DPP6: variants seen among roughly 807,000 people sequenced by gnomAD.
DPP6 encodes the protein dipeptidyl peptidase like 6, also known as A-type potassium channel modulatory protein DPP6.
DPP6 carries 69 observed loss-of-function variants against 122.6 expected under a neutral mutation model. The observed-to-expected ratio is 0.56, with a 90% confidence interval of 0.46 to 0.69. DPP6 has a LOEUF of 0.69. DPP6 is among the 30% of genes least tolerant of loss of function. The pLI is 0.00. For synonymous variants in DPP6, 418 were observed against 433.1 expected, an observed-to-expected ratio of 0.97 and a Z score of 0.43; for missense variants, 928 against 1,116.9, an observed-to-expected ratio of 0.83 and a Z score of 2.41.
At chr7:154,152,417 A>C (rs1270403273) in intron 1 of DPP6, among the ~76,000 whole-genome samples, 1 of 152,174 alleles carries the variant, frequency 6.6e-6, no homozygotes, top group African/African-American at 2.4e-5. Context: ...GACTCTTCCC[A>C]AGACTGTGAG....
chr7:154,351,631 C>T (rs868083505), intron 1 of DPP6, among the ~76,000 whole-genome samples: 1 of 152,180 alleles, frequency 6.6e-6, no homozygotes, highest in South Asian at 2.1e-4. Context: ...GCAGGAGAGC[C>T]TGGAATGTGC....
intron 1 of DPP6, among the ~76,000 whole-genome samples, chr7:154,066,302 T>C (rs1802720129): frequency 6.6e-6 from 1 of 152,164 alleles, no homozygotes; most frequent in African/African-American, 2.4e-5. Context: ...TCAGGTGATC[T>C]GCCTGCCTTG....
At chr7:154,648,204 G>A (rs902552449) in intron 6 of DPP6, among the ~76,000 whole-genome samples, 3 of 151,516 alleles carry the variant, frequency 2.0e-5, no homozygotes, top group Admixed American at 1.3e-4. Flanking sequence ...CGAGGCAGAG[G>A]TTACAGTGAG....
intron 8 of DPP6, among the ~76,000 whole-genome samples, chr7:154,748,224 T>C (rs560052497): frequency 6.6e-6 from 1 of 152,008 alleles, no homozygotes; most frequent in African/African-American, 2.4e-5. Flanking sequence ...GTGTTGGGAG[T>C]CGGCTTGCTC....
chr7:154,319,006 G>A (rs1003463279), intron 1 of DPP6, among the ~76,000 whole-genome samples: 1 of 152,186 alleles, frequency 6.6e-6, no homozygotes, highest in African/African-American at 2.4e-5. Context: ...TGTTGGTTTG[G>A]GGCAGTGTGA....
chr7:154,238,581 C>G (rs1801371154), intron 1 of DPP6, among the ~76,000 whole-genome samples: 1 of 152,136 alleles, frequency 6.6e-6, no homozygotes, highest in African/African-American at 2.4e-5. Flanking sequence ...CCAAGATAGC[C>G]ACTGCCACGG....
chr7:154,407,765 G>T (rs1248601526), intron 1 of DPP6, among the ~76,000 whole-genome samples: 3 of 152,142 alleles, frequency 2.0e-5, no homozygotes, highest in Non-Finnish European at 2.9e-5. Context: ...ATTCCAGGCT[G>T]CCATGGTTCT....
At chr7:154,053,130 C>T in intron 1 of DPP6, 67 bp downstream of exon 1, 3 of 950,356 alleles carry the variant, frequency 3.2e-6, no homozygotes, top group South Asian at 4.6e-5. Flanking sequence ...CGAGACGCGT[C>T]GGCAGGGGAA....
At chr7:154,136,435 G>A (rs1203418999) in intron 1 of DPP6, among the ~76,000 whole-genome samples, 3 of 152,184 alleles carry the variant, frequency 2.0e-5, no homozygotes, top group Non-Finnish European at 2.9e-5. Flanking sequence ...TTTGTAGTAT[G>A]CAGTTTTTTA....
chr7:154,420,883 G>A (rs1010253847), intron 1 of DPP6, among the ~76,000 whole-genome samples: 4 of 152,020 alleles, frequency 2.6e-5, no homozygotes, highest in Non-Finnish European at 5.9e-5. Flanking sequence ...CTACAAATCT[G>A]CTCTACAACA....
chr7:154,522,065 G>T (rs759197185), intron 3 of DPP6, among the ~76,000 whole-genome samples: 1 of 152,012 alleles, frequency 6.6e-6, no homozygotes, highest in Non-Finnish European at 1.5e-5. Context: ...CCGGGTTCAC[G>T]CCACTCTCCT....
chr7:154,365,068 G>A (rs1465082367), intron 1 of DPP6, among the ~76,000 whole-genome samples: 1 of 152,132 alleles, frequency 6.6e-6, no homozygotes, highest in African/African-American at 2.4e-5. Context: ...TGGCTCAACT[G>A]GACTCAGAAA....
intron 1 of DPP6, chr7:154,058,211 C>T (rs552443998): frequency 1.3e-5 from 2 of 149,942 alleles, no homozygotes; most frequent in Admixed American, 1.3e-4. Context: ...CCCCTTTCCT[C>T]CCCTGGCTCT....
chr7:154,312,797 C>A (rs982636061), intron 1 of DPP6, among the ~76,000 whole-genome samples: 2 of 152,142 alleles, frequency 1.3e-5, no homozygotes, highest in Non-Finnish European at 2.9e-5. Flanking sequence ...ATTGGTTCAA[C>A]CCTTTGAGTA....
chr7:154,621,595 G>A (rs1246766500), intron 5 of DPP6, among the ~76,000 whole-genome samples: 1 of 152,198 alleles, frequency 6.6e-6, no homozygotes, highest in African/African-American at 2.4e-5. Context: ...TTGAACCCCT[G>A]ACCTCAGGTG....
chr7:154,234,908 A>T (rs1801114070), intron 1 of DPP6, among the ~76,000 whole-genome samples: 3 of 152,030 alleles, frequency 2.0e-5, no homozygotes, highest in Admixed American at 1.3e-4. Context: ...GAGGCCTGGG[A>T]TCCCCGTGCC....
the DPP6 span, among the ~76,000 whole-genome samples, chr7:153,758,209 T>G: frequency 6.6e-6 from 1 of 152,142 alleles, no homozygotes; most frequent in Non-Finnish European, 1.5e-5. Flanking sequence ...ATTTAGTGAG[T>G]AAGTACTAAA....
intron 1 of DPP6, among the ~76,000 whole-genome samples, chr7:154,154,691 A>G (rs1796592577): frequency 6.6e-6 from 1 of 152,192 alleles, no homozygotes; most frequent in African/African-American, 2.4e-5. Flanking sequence ...GATCTATGTG[A>G]TTTCCCCACT....
At chr7:154,054,457 A>G (rs1800649508) in intron 1 of DPP6, among the ~76,000 whole-genome samples, 1 of 151,804 alleles carries the variant, frequency 6.6e-6, no homozygotes, top group Non-Finnish European at 1.5e-5. Flanking sequence ...AGATCACAAA[A>G]CTTTGTGGGA....
Sources: allele counts gnomAD v4.1 joint callset (sites outside exome capture counted in the v4.1 genomes callset), GRCh38; gene constraint gnomAD v4.1.1; transcripts MANE v1.5; gene names NCBI Gene and HGNC (gene_info 2026-07-23, HGNC 2026-07-21).